Variants in HOXA3 observed in about 807,000 individuals in gnomAD.
HOXA3 encodes the protein homeobox A3.
Under a neutral mutation model 30.3 loss-of-function variants are expected in HOXA3, and 8 were observed. The ratio of observed to expected loss-of-function variants is 0.26; its 90% CI spans 0.15 to 0.48. The LOEUF is 0.48. HOXA3 is among the 20% of genes least tolerant of loss of function. The pLI is 0.99. For missense variants in HOXA3, 653 were observed against 614.4 expected, an observed-to-expected ratio of 1.06 and a Z score of -0.66; for synonymous variants, 323 against 273.1, an observed-to-expected ratio of 1.18 and a Z score of -1.80.
intron 1 of HOXA3, chr7:27,143,482 G>T: frequency 1.2e-6 from 2 of 1,613,868 alleles, no homozygotes; most frequent in Non-Finnish European, 1.7e-6. Context: ...CGTACCTGCC[G>T]GAGTGCATGC....
intron 1 of HOXA3, chr7:27,142,143 G>T: frequency 1.9e-6 from 3 of 1,575,120 alleles, no homozygotes; most frequent in Non-Finnish European, 2.6e-6. Context: ...AGTCCGCCAG[G>T]GGGACAAGCT....
At position 27,107,727 on chromosome 7, in the gene HOXA3, G is replaced by A. The variant is rs186936655; in HGVS notation, c.*188C>T. 4 of 467,132 alleles carry A rather than the reference G, an allele frequency of 8.6e-6. No individual in the cohort carries two copies. Among genetic ancestry groups the A allele is most frequent in the Non-Finnish European group, 1.5e-5 (4 of 266,998 alleles). The allele number at this position is 467,132 out of a possible 1,614,324, so 28.9% of individuals were successfully genotyped here. ...CCATTCCAGCAACCAAGATTGCTAC[G>A]TCACATAAACTATAAAAACGCCTTA... On this transcript the variant is annotated 3_prime_UTR_variant, in exon 6 of 6. Transcript: ENST00000612286.
intron 1 of HOXA3, chr7:27,151,709 C>A (rs1478595598): frequency 2.2e-6 from 1 of 456,430 alleles, no homozygotes; most frequent in East Asian, 6.9e-5. Flanking sequence ...CCCCTTCTAC[C>A]TTTCTCTCTG....
chr7:27,123,210 G>C (rs997569791), intron 3 of HOXA3: 2 of 152,342 alleles, frequency 1.3e-5, no homozygotes, highest in African/African-American at 4.8e-5. Flanking sequence ...TTGTGTTCTG[G>C]TTTATTCAAC....
intron 2 of HOXA3, among the ~76,000 whole-genome samples, chr7:27,136,600 G>A (rs1042015624): frequency 2.0e-5 from 3 of 152,228 alleles, no homozygotes. Context: ...CCTAGGGTGT[G>A]CAGATTTATC....
In HOXA3 at chr7:27,113,950, T is replaced by C. The variant is rs2128042999; in HGVS notation, c.-120-3190A>G. 6.7e-6 allele frequency: 1 copy of C among 149,464 alleles called. No homozygotes were observed. The highest frequency in any genetic ancestry group is 6.6e-5 in the Admixed American group (1 of 15,146). 9.3% of individuals were successfully genotyped at this position (149,464 alleles called of 1,614,324 possible). Reference sequence around the variant, plus strand: ...GCAGCCGCGGCCCGGAGATAAGCGCTAGTGCGGCGCCGGGCTCTGCCTGGG... The same window carrying C: ...GCAGCCGCGGCCCGGAGATAAGCGCCAGTGCGGCGCCGGGCTCTGCCTGGG... On this transcript the variant is annotated intron_variant, in intron 4 of 5. Transcript: ENST00000612286. The surrounding 1 kb of genome is among the most constrained non-coding windows in gnomAD (Gnocchi z 4.8).
intron 2 of HOXA3, chr7:27,129,454 C>T (rs1248729558): frequency 2.5e-6 from 4 of 1,614,032 alleles, no homozygotes; most frequent in Non-Finnish European, 3.4e-6. Flanking sequence ...GATCTCGATG[C>T]GGCGCCGCCG....
At chr7:27,147,673 G>A in intron 1 of HOXA3, 1 of 1,614,072 alleles carries the variant, frequency 6.2e-7, no homozygotes, top group Non-Finnish European at 8.5e-7. Context: ...CTGGTAGAGG[G>A]GCAGCTGGCC....
chr7:27,141,292 C>CA (rs1288656457), intron 1 of HOXA3: 2 of 153,588 alleles, frequency 1.3e-5, no homozygotes, highest in African/African-American at 4.8e-5. Flanking sequence ...CGCTTGGAGT[C>CA]ACAGTTTTCA....
intron 1 of HOXA3, chr7:27,145,990 A>T: frequency 6.6e-7 from 1 of 1,520,864 alleles, no homozygotes; most frequent in South Asian, 1.3e-5. Flanking sequence ...AGTGCCTCCC[A>T]CAAGAGGCAC....
intron 1 of HOXA3, chr7:27,143,144 G>A: frequency 6.2e-7 from 1 of 1,608,780 alleles, no homozygotes; most frequent in Non-Finnish European, 8.5e-7. Flanking sequence ...CTCGCTGCTG[G>A]CAGGGGCGTC....
intron 2 of HOXA3, 83 bp downstream of exon 2, chr7:27,140,000 C>T (rs1308342694): frequency 2.4e-5 from 1 of 41,372 alleles, no homozygotes; most frequent in Admixed American, 3.4e-4. Flanking sequence ...AGTTATTGAA[C>T]CAGAGAGAGA....
At chr7:27,147,110 C>A (rs1047663941) in intron 1 of HOXA3, 2 of 616,584 alleles carry the variant, frequency 3.2e-6, no homozygotes, top group African/African-American at 3.7e-5. Context: ...GACACTGGGG[C>A]CTTGCCCTTC....
At chr7:27,139,585 C>T (rs574619356) in intron 2 of HOXA3, among the ~76,000 whole-genome samples, 72 of 152,374 alleles carry the variant, frequency 4.7e-4, no homozygotes, top group Admixed American at 9.1e-4. Context: ...CCGCCAGAGT[C>T]CGCCTCGGCC....
At chr7:27,130,552 G>T (rs1268642605) in intron 2 of HOXA3, 1 of 1,392,780 alleles carries the variant, frequency 7.2e-7, no homozygotes, top group Non-Finnish European at 9.4e-7. Context: ...GCCCGCGTGA[G>T]GGAGCTGGGG....
chr7:27,121,137 A>T (rs1249382604), intron 4 of HOXA3: 2 of 152,214 alleles, frequency 1.3e-5, no homozygotes, highest in African/African-American at 4.8e-5. Flanking sequence ...TGTCAAAAGT[A>T]CACTTAACAT....
rs1381385538 is a variant in HOXA3 at position 27,141,694 on chromosome 7, CT to C, written c.-493-1509del. On this transcript the variant is annotated intron_variant, in intron 1 of 5. Transcript: ENST00000612286. ...AGGCGCTATAATGGCAATAAACAGGCTCATGATTAAAAGATGAATTAGGGCA... is the reference window on the plus strand; with the variant it reads ...AGGCGCTATAATGGCAATAAACAGGCCATGATTAAAAGATGAATTAGGGCA... 1.7e-5 allele frequency: 17 copies of C among 1,023,368 alleles called. No individual in the cohort carries two copies. The East Asian group carries it at 4.2e-4, about 25-fold the overall frequency. The allele number at this position is 1,023,368 out of a possible 1,614,324, so 63.4% of individuals were successfully genotyped here.
chr7:27,143,260 G>T (rs1324963074), intron 1 of HOXA3: 1 of 1,608,018 alleles, frequency 6.2e-7, no homozygotes, highest in African/African-American at 1.3e-5. Context: ...TTTTCCCGCC[G>T]TGGTGGCTGT....
intron 4 of HOXA3, among the ~76,000 whole-genome samples, chr7:27,114,806 C>T (rs1470489929): frequency 6.7e-5 from 2 of 29,654 alleles, no homozygotes; most frequent in African/African-American, 1.7e-4. Context: ...AAACGGATTC[C>T]TAAAACATAC....
Sources: allele counts gnomAD v4.1 joint callset (sites outside exome capture counted in the v4.1 genomes callset), GRCh38; gene constraint gnomAD v4.1.1; non-coding constraint Gnocchi (gnomAD v3.1); transcripts MANE v1.5; gene names NCBI Gene and HGNC (gene_info 2026-07-23, HGNC 2026-07-21).